Variants in AKR1C4 observed in about 807,000 individuals in gnomAD.
AKR1C4 encodes the protein aldo-keto reductase family 1 member C4, also known as 3-alpha-HSD1.
Under a neutral mutation model 41.0 loss-of-function variants are expected in AKR1C4, and 44 were observed. That is an observed-to-expected ratio of 1.07 (90% confidence interval 0.84 to 1.38). The LOEUF (loss-of-function observed/expected upper bound fraction) is 1.38, where lower values mean the gene tolerates loss of function less well. AKR1C4 is among the 40% of genes most tolerant of loss of function. The pLI is 0.00. For synonymous variants in AKR1C4, 165 were observed against 137.7 expected (o/e 1.20, Z -1.39); for missense variants, 438 against 387.9 (o/e 1.13, Z -1.09).
At chr10:5,217,878 C>T (rs781788004) in intron 8 of AKR1C4, among the ~76,000 whole-genome samples, 9 of 152,180 alleles carry the variant, frequency 5.9e-5, no homozygotes, top group Non-Finnish European at 1.0e-4. Context: ...CACAGAAAGG[C>T]ACTCATGTGA....
rs1235534006 is a variant in AKR1C4, at chr10:5,212,826, G to A, written c.680+101G>A. The A allele has an allele frequency of 4.6e-5, 65 of 1,422,734 alleles. No individual in the cohort carries two copies. The South Asian group carries it at 7.4e-4, about 16-fold the overall frequency. 88.1% of individuals were successfully genotyped at this position (1,422,734 alleles called of 1,614,324 possible). A position where few individuals can be genotyped will look rare whatever the true frequency, so the allele number is the denominator to read the frequency against. The stretch of plus-strand genomic sequence containing the variant: ...TAGAGTTCATTCTCAATGGGTCAGG[G>A]TAAGGGGATAATTTGCATTTCTTAT... On this transcript the variant is annotated intron_variant, in intron 6 of 8. Transcript: ENST00000263126.
At chr10:5,212,937 C>T (rs1319614576) in intron 6 of AKR1C4, 57 bp from the exon 7 acceptor site, 2 of 1,587,242 alleles carry the variant, frequency 1.3e-6, no homozygotes, top group Non-Finnish European at 1.7e-6. Flanking sequence ...GTTTAGGGAG[C>T]CTCCTACCAA....
At chr10:5,197,399 T>C (rs916023333) in intron 1 of AKR1C4, among the ~76,000 whole-genome samples, 2 of 152,224 alleles carry the variant, frequency 1.3e-5, no homozygotes, top group Admixed American at 1.3e-4. Context: ...ATGAAAACTG[T>C]TGGGAGAGTA....
intron 5 of AKR1C4, among the ~76,000 whole-genome samples, chr10:5,207,951 A>C (rs1276983038): frequency 6.6e-6 from 1 of 151,868 alleles, no homozygotes; most frequent in African/African-American, 2.4e-5. Context: ...TCTTCTCCCT[A>C]GCCCACAAAT....
chr10:5,197,028 G>A, intron 1 of AKR1C4, 77 bp downstream of exon 1: 2 of 1,439,612 alleles, frequency 1.4e-6, no homozygotes, highest in Non-Finnish European at 2.0e-6. Context: ...GGGTTGTTCA[G>A]CTTTGTGTTT....
intron 5 of AKR1C4, among the ~76,000 whole-genome samples, chr10:5,210,264 C>G (rs782062943): frequency 1.3e-5 from 2 of 152,168 alleles, no homozygotes; most frequent in African/African-American, 4.8e-5. Flanking sequence ...GAGGTGGTTC[C>G]TATGTTCTTG....
chr10:5,218,708 C>T lies in AKR1C4; in HGVS notation c.930-10C>T, dbSNP rs1554798837. 6.3e-7 allele frequency: 1 copy of T among 1,584,642 alleles called. No individual in the cohort carries two copies. Among genetic ancestry groups the T allele is most frequent in the Non-Finnish European group, 8.7e-7 (1 of 1,153,110 alleles). ...CATCCATATTTATGTACTATCCTTT[C>T]TCTTTTCAGTCTTATGGACCATCCT... On this transcript the variant is annotated splice_polypyrimidine_tract_variant and intron_variant, in intron 8 of 8. Coordinates refer to ENST00000263126, the MANE Select transcript of AKR1C4 (RefSeq NM_001818.5).
At chr10:5,214,142 TAA>T (rs1426042803) in intron 7 of AKR1C4, among the ~76,000 whole-genome samples, 2 of 152,136 alleles carry the variant, frequency 1.3e-5, no homozygotes, top group East Asian at 1.9e-4. Flanking sequence ...ATATGTGAAA[TAA>T]GAGTACAAAT....
chr10:5,218,203 A>T (rs1832681474), intron 8 of AKR1C4, among the ~76,000 whole-genome samples: 2 of 152,366 alleles, frequency 1.3e-5, no homozygotes, highest in East Asian at 1.9e-4. Context: ...ACCCCATATC[A>T]CATATGACAA....
At chr10:5,213,968 G>T (rs1168263558) in intron 7 of AKR1C4, among the ~76,000 whole-genome samples, 2 of 151,922 alleles carry the variant, frequency 1.3e-5, no homozygotes, top group East Asian at 3.9e-4. Flanking sequence ...TTTTCTCGTG[G>T]TTGCTAATAT....
intron 6 of AKR1C4, 87 bp from the exon 7 acceptor site, chr10:5,212,907 C>T: frequency 6.6e-7 from 1 of 1,517,022 alleles, no homozygotes; most frequent in East Asian, 2.3e-5. Context: ...GGCTCTGGTG[C>T]AGAATGAACA....
chr10:5,211,576 T>A (rs77933663), intron 5 of AKR1C4, among the ~76,000 whole-genome samples: 2 of 152,316 alleles, frequency 1.3e-5, no homozygotes, highest in East Asian at 3.9e-4. Context: ...ACTATCAGTA[T>A]TTTTGTCAAA....
intron 2 of AKR1C4, chr10:5,202,376 G>A (rs1832413117): frequency 2.5e-6 from 1 of 396,516 alleles, no homozygotes; most frequent in Admixed American, 2.8e-5. Flanking sequence ...AGACTTTACT[G>A]AATTTGTTTG....
At chr10:5,207,517 G>T in intron 5 of AKR1C4, 2 of 474,170 alleles carry the variant, frequency 4.2e-6, no homozygotes, top group South Asian at 3.5e-5. Context: ...ATAAAATAGG[G>T]TATAAGAAAA....
In AKR1C4 at chr10:5,206,320, G is replaced by A. The variant is rs1451342185; in HGVS notation, c.493G>A (p.Val165Met). ...TGCAGGATTGGCCAAGTCCATCGGG[G>A]TGTCAAACTTCAACTGCAGGCAGCT... ...KDAGLAKSIG[V>M]SNFNCRQLEM... Residue 165 changes from valine to methionine, a missense_variant, in exon 5 of 9, where the codon GTG becomes ATG. Val to Met is a conservative substitution (Grantham distance 21, BLOSUM62 1). Transcript: ENST00000263126. 1.2e-6 allele frequency: 2 copies of A among 1,613,960 alleles called. No homozygotes were observed. The highest frequency in any genetic ancestry group is 1.7e-5 in the Admixed American group (1 of 59,988).
rs919973956 is a variant in AKR1C4, at chr10:5,206,139, T to C, written c.448-136T>C. ...GTCACTATCCTTTTGTTATCTGTTG[T>C]AATTTTTTCTCTTGAGAATCACTGC... On this transcript the variant is annotated intron_variant, in intron 4 of 8. Transcript: ENST00000263126. 4.8e-6 allele frequency: 7 copies of C among 1,451,378 alleles called. No individual in the cohort carries two copies. The South Asian group carries it at 9.7e-5, about 20-fold the overall frequency. 89.9% of individuals were successfully genotyped at this position (1,451,378 alleles called of 1,614,324 possible). A position where few individuals can be genotyped will look rare whatever the true frequency, so the allele number is the denominator to read the frequency against.
chr10:5,216,911 C>A, intron 8 of AKR1C4, 118 bp downstream of exon 8: 1 of 663,276 alleles, frequency 1.5e-6, no homozygotes, highest in East Asian at 2.9e-5. Flanking sequence ...AGAGGTGAGA[C>A]AGGAACTCTC....
At chr10:5,209,314 T>C (rs1192897141) in intron 5 of AKR1C4, among the ~76,000 whole-genome samples, 1 of 128,522 alleles carries the variant, frequency 7.8e-6, no homozygotes, top group African/African-American at 2.5e-5. Context: ...AATTTTTGTA[T>C]TGTATTATTG....
intron 3 of AKR1C4, among the ~76,000 whole-genome samples, chr10:5,205,256 T>C (rs1056166378): frequency 4.6e-5 from 7 of 152,218 alleles, no homozygotes; most frequent in Non-Finnish European, 2.9e-5. Flanking sequence ...TCAATGCTCA[T>C]GGTGATTAAC....
Sources: gnomAD v4.1 joint callset for allele counts (sites outside exome capture counted in the v4.1 genomes callset) on GRCh38, gnomAD v4.1.1 for gene constraint, MANE v1.5 for transcripts, NCBI Gene and HGNC (gene_info 2026-07-23, HGNC 2026-07-21) for gene names.